The following TENM1 variants were observed in gnomAD, a reference collection of about 807,000 sequenced individuals.
The protein encoded by TENM1 is teneurin-1.
TENM1 carries 35 observed loss-of-function variants against 174.8 expected under a neutral mutation model. The observed-to-expected ratio is 0.20, with a 90% CI of 0.15 to 0.27. The LOEUF (loss-of-function observed/expected upper bound fraction) is 0.27. TENM1 is among the 10% of genes least tolerant of loss of function. TENM1 has a pLI of 1.00. For synonymous variants in TENM1, 781 were observed against 798.7 expected (o/e 0.98, Z 0.37); for missense variants, 1,633 against 2,130.1 (o/e 0.77, Z 4.59).
chrX:124,532,125 C>T (rs2048122250), intron 15 of TENM1, among the ~76,000 whole-genome samples: 1 of 111,729 alleles, frequency 9.0e-6, no homozygotes, highest in Non-Finnish European at 1.9e-5. Context: ...GCCAAGCCTC[C>T]ACCAGTTAAC....
the TENM1 span, among the ~76,000 whole-genome samples, chrX:125,033,494 C>T: frequency 1.8e-5 from 2 of 111,476 alleles, no homozygotes; most frequent in Non-Finnish European, 1.9e-5. Flanking sequence ...AAAGCTGTGA[C>T]GATACAGCCT....
intron 23 of TENM1, among the ~76,000 whole-genome samples, chrX:124,447,900 A>G (rs1410920127): frequency 1.8e-5 from 2 of 111,664 alleles, no homozygotes; most frequent in Non-Finnish European, 3.8e-5. Flanking sequence ...ACTAATAGCA[A>G]TCACAACTCT....
chrX:124,445,234 G>T (rs2060953660), intron 23 of TENM1, among the ~76,000 whole-genome samples: 1 of 111,601 alleles, frequency 9.0e-6, no homozygotes, highest in African/African-American at 3.3e-5. Context: ...AAAGTTAAAG[G>T]AAGACAAAAA....
chrX:124,569,614 A>C (rs182161937), intron 11 of TENM1, among the ~76,000 whole-genome samples: 1 of 112,217 alleles, frequency 8.9e-6, no homozygotes, highest in Non-Finnish European at 1.9e-5. Context: ...GATGAATCTA[A>C]GATCCATACA....
At position 124,430,074 on chromosome X, in the gene TENM1, G is replaced by A. The variant is rs188030597; in HGVS notation, c.4105-7436C>T. Among the ~76,000 whole-genome samples, 575 of 111,273 alleles carry A rather than the reference G, an allele frequency of 5.2e-3. 3 individuals are homozygous for A. Among genetic ancestry groups the A allele is most frequent in the African/African-American group, 0.018 (552 of 30,655 alleles). The stretch of plus-strand genomic sequence containing the variant: ...TGCATTTTGGGGGACAGGCCGGAAG[G>A]AGACCAGACTAGATGCAGGATAACC... On this transcript the variant is annotated intron_variant, in intron 23 of 31. Coordinates refer to ENST00000422452, the Ensembl canonical transcript of TENM1.
At chrX:125,009,252 A>C in the TENM1 span, among the ~76,000 whole-genome samples, 1 of 111,001 alleles carries the variant, frequency 9.0e-6, no homozygotes, top group Non-Finnish European at 1.9e-5. Flanking sequence ...GAATACTAAA[A>C]ACAACTCTAC....
At chrX:125,012,084 A>G in the TENM1 span, among the ~76,000 whole-genome samples, 249 of 111,783 alleles carry the variant, frequency 2.2e-3, 1 homozygote, top group African/African-American at 7.8e-3. Flanking sequence ...TAACACAGGA[A>G]CAGAAAACGA....
the TENM1 span, among the ~76,000 whole-genome samples, chrX:125,001,693 C>T: frequency 2.7e-5 from 3 of 110,489 alleles, no homozygotes; most frequent in Non-Finnish European, 5.7e-5. Context: ...AGCAGAATCC[C>T]TCAACCCCTG....
the TENM1 span, among the ~76,000 whole-genome samples, chrX:125,094,657 G>T: frequency 8.9e-6 from 1 of 112,066 alleles, no homozygotes; most frequent in Non-Finnish European, 1.9e-5. Flanking sequence ...CCAATGTGGT[G>T]TTATGATTGA....
rs145172765 is a variant in TENM1, at chrX:124,897,320, G to A, written c.218-1079C>T. On this transcript the variant is annotated intron_variant, in intron 1 of 31. Transcript: ENST00000422452. The stretch of plus-strand genomic sequence containing the variant: ...TACTTAGATAAGGTAATCCGGAGAT[G>A]TAGTACACCATACAGGATTTTCTCA... Among the ~76,000 whole-genome samples, 713 of 111,815 alleles carry A rather than the reference G, an allele frequency of 6.4e-3. 5 individuals carry two copies. The highest frequency in any genetic ancestry group is 0.022 in the African/African-American group (677 of 30,837).
the TENM1 span, among the ~76,000 whole-genome samples, chrX:125,107,377 CCT>C: frequency 4.5e-5 from 5 of 112,219 alleles, no homozygotes; most frequent in Admixed American, 9.4e-5. Context: ...AGGATTTCCC[CCT>C]GACTCCACCA....
At chrX:124,737,976 T>G (rs1368184775) in intron 3 of TENM1, among the ~76,000 whole-genome samples, 1 of 112,156 alleles carries the variant, frequency 8.9e-6, no homozygotes, top group African/African-American at 3.2e-5. Flanking sequence ...ACAGCGGTCC[T>G]CAGGCTTCTA....
At chrX:124,948,452 G>A (rs1243471908) in intron 1 of TENM1, among the ~76,000 whole-genome samples, 1 of 112,862 alleles carries the variant, frequency 8.9e-6, no homozygotes, top group Non-Finnish European at 1.9e-5. Flanking sequence ...ACTGATTAAT[G>A]TGCATAAAAA....
At chrX:124,955,025 T>C (rs145366548) in intron 1 of TENM1, among the ~76,000 whole-genome samples, 1,905 of 112,094 alleles carry the variant, frequency 0.017, 36 homozygotes, top group African/African-American at 0.059. Flanking sequence ...TCTTAGAGGA[T>C]GCAGTGAACA....
chrX:125,099,672 C>T, the TENM1 span, among the ~76,000 whole-genome samples: 2 of 110,843 alleles, frequency 1.8e-5, no homozygotes, highest in South Asian at 7.6e-4. Flanking sequence ...GTCTAGAAAG[C>T]AGAGGTGACA....
At chrX:124,398,223 TAA>T (rs1210784703) in intron 27 of TENM1, among the ~76,000 whole-genome samples, 1 of 97,138 alleles carries the variant, frequency 1.0e-5, no homozygotes, top group Non-Finnish European at 2.1e-5. Context: ...GCAAGACTCT[TAA>T]AAAAAAAAAA....
At chrX:124,981,910 A>G in the TENM1 span, among the ~76,000 whole-genome samples, 1 of 79,219 alleles carries the variant, frequency 1.3e-5, no homozygotes, top group Non-Finnish European at 2.3e-5. Flanking sequence ...TACATATGTA[A>G]CTAACCTGCA....
intron 1 of TENM1, among the ~76,000 whole-genome samples, chrX:124,919,073 A>T (rs1482544813): frequency 1.8e-5 from 2 of 112,132 alleles, no homozygotes; most frequent in African/African-American, 6.5e-5. Context: ...CTTACTTCAA[A>T]TTATCTCTTT....
At chrX:124,536,193 T>C (rs2048202696) in intron 15 of TENM1, among the ~76,000 whole-genome samples, 1 of 112,002 alleles carries the variant, frequency 8.9e-6, no homozygotes, top group Non-Finnish European at 1.9e-5. Flanking sequence ...ATATATGTTA[T>C]CTAACCTGGT....
Sources: gnomAD v4.1 joint callset for allele counts (sites outside exome capture counted in the v4.1 genomes callset) on GRCh38, gnomAD v4.1.1 for gene constraint, MANE v1.5 for transcripts, NCBI Gene and HGNC (gene_info 2026-07-23, HGNC 2026-07-21) for gene names.